Variants in DSCAM observed in about 807,000 individuals in gnomAD.
DSCAM encodes the protein cell adhesion molecule DSCAM.
Under a neutral mutation model 217.7 loss-of-function variants are expected in DSCAM, and 47 were observed. That is an observed-to-expected ratio of 0.22 (90% CI 0.17 to 0.28). The LOEUF is 0.28. Ranked by LOEUF, DSCAM falls within the 10% of genes least tolerant of loss-of-function variation. The pLI is 1.00. For missense variants in DSCAM, 2,080 were observed against 2,618.3 expected (o/e 0.79, Z 4.49); for synonymous variants, 1,056 against 1,015.3 (o/e 1.04, Z -0.76).
At chr21:40,376,483 T>A (rs1212145334) in intron 3 of DSCAM, among the ~76,000 whole-genome samples, 5 of 130,056 alleles carry the variant, frequency 3.8e-5, no homozygotes, top group Non-Finnish European at 6.4e-5. Flanking sequence ...TCTATATATC[T>A]TATATAGATA....
In DSCAM at chr21:40,734,318, G is replaced by A. The variant is rs561092312; in HGVS notation, c.44-25547C>T. On this transcript the variant is annotated intron_variant, in intron 1 of 32. Transcript: ENST00000400454. ...AGGAGGAAGATAAGAAAAGGGGCAC[G>A]CTGCTTCCTCTTCCCAAACCCATCT... 1.5e-4 allele frequency among the ~76,000 whole-genome samples: 23 copies of A among 152,294 alleles called. 1 individual carries two copies. The South Asian group carries it at 4.6e-3, about 30-fold the overall frequency.
At chr21:40,223,435 G>C (rs527992833) in intron 11 of DSCAM, among the ~76,000 whole-genome samples, 4 of 152,152 alleles carry the variant, frequency 2.6e-5, no homozygotes, top group Non-Finnish European at 5.9e-5. Flanking sequence ...TTTTCTTGCA[G>C]CATGACATAT....
intron 7 of DSCAM, 29 bp downstream of exon 7, chr21:40,339,090 T>C (rs1236880316): frequency 1.3e-6 from 2 of 1,590,934 alleles, no homozygotes; most frequent in Admixed American, 1.7e-5. Context: ...GTTATGTGTG[T>C]TTTTTTGAGG....
intron 11 of DSCAM, among the ~76,000 whole-genome samples, chr21:40,218,697 G>A (rs1824477532): frequency 6.6e-6 from 1 of 151,932 alleles, no homozygotes; most frequent in African/African-American, 2.4e-5. Context: ...TTGTTGTAGA[G>A]ATCTTTCACC....
chr21:40,029,832 A>G (rs568943746), intron 32 of DSCAM, among the ~76,000 whole-genome samples: 100 of 151,954 alleles, frequency 6.6e-4, no homozygotes, highest in African/African-American at 2.2e-3. Flanking sequence ...TATCTCCCTC[A>G]CTGCCTGAGG....
intron 3 of DSCAM, among the ~76,000 whole-genome samples, chr21:40,672,330 T>C (rs1483319046): frequency 6.6e-6 from 1 of 152,128 alleles, no homozygotes; most frequent in African/African-American, 2.4e-5. Flanking sequence ...TACTGTGAGA[T>C]GTCGACCATC....
At chr21:40,462,520 A>C (rs1162140787) in intron 3 of DSCAM, among the ~76,000 whole-genome samples, 1 of 152,084 alleles carries the variant, frequency 6.6e-6, no homozygotes, top group Non-Finnish European at 1.5e-5. Flanking sequence ...TCTTTAAAAA[A>C]TTTTCACATC....
chr21:40,560,954 C>CCATA (rs1392517744), intron 3 of DSCAM, among the ~76,000 whole-genome samples: 2 of 152,164 alleles, frequency 1.3e-5, no homozygotes, highest in African/African-American at 4.8e-5. Context: ...TGCTCAAGGA[C>CCATA]CATATGCTTA....
chr21:40,337,901 G>C lies in DSCAM; in HGVS notation c.1783+200C>G, dbSNP rs1011476238. Among the ~76,000 whole-genome samples the C allele has an allele frequency of 7.9e-5, 12 of 152,306 alleles. No homozygotes were observed. The East Asian group carries it at 2.1e-3, about 27-fold the overall frequency. On this transcript the variant is annotated intron_variant, in intron 8 of 32. Coordinates refer to ENST00000400454, the MANE Select transcript of DSCAM (RefSeq NM_001389.5). Reference sequence around the variant, plus strand: ...ACCAAGCCAAAATTCCACCTGGAGAGAAAATCAGATCAACTAAAGTTCCTG... The same window carrying C: ...ACCAAGCCAAAATTCCACCTGGAGACAAAATCAGATCAACTAAAGTTCCTG...
chr21:40,615,808 T>C (rs888373160), intron 3 of DSCAM, among the ~76,000 whole-genome samples: 1 of 152,162 alleles, frequency 6.6e-6, no homozygotes, highest in African/African-American at 2.4e-5. Flanking sequence ...AGTCTTTGCC[T>C]GTGTCCTGGG....
At chr21:40,820,294 G>T (rs1237022574) in intron 1 of DSCAM, among the ~76,000 whole-genome samples, 1 of 152,164 alleles carries the variant, frequency 6.6e-6, no homozygotes, top group Admixed American at 6.5e-5. Context: ...AAAAGAATGA[G>T]ATCATGTCCT....
chr21:40,196,968 T>C (rs1601430895), intron 11 of DSCAM, among the ~76,000 whole-genome samples: 2 of 152,344 alleles, frequency 1.3e-5, no homozygotes, highest in South Asian at 4.1e-4. Flanking sequence ...TTTGCATCTA[T>C]ATTAACAAAG....
At chr21:40,483,211 C>A (rs919940702) in intron 3 of DSCAM, among the ~76,000 whole-genome samples, 2 of 152,224 alleles carry the variant, frequency 1.3e-5, no homozygotes, top group African/African-American at 4.8e-5. Flanking sequence ...CATGATCTTG[C>A]AGGACTTACA....
intron 21 of DSCAM, among the ~76,000 whole-genome samples, chr21:40,087,868 A>G (rs1221977220): frequency 6.6e-6 from 1 of 152,220 alleles, no homozygotes; most frequent in Non-Finnish European, 1.5e-5. Context: ...AAACAGGAGC[A>G]TCTGCCAGGG....
chr21:40,164,652 A>G (rs907196301), intron 16 of DSCAM, among the ~76,000 whole-genome samples: 1 of 151,974 alleles, frequency 6.6e-6, no homozygotes, highest in Admixed American at 6.5e-5. Flanking sequence ...ATACAAAAAA[A>G]GTAGCTGGGT....
intron 9 of DSCAM, among the ~76,000 whole-genome samples, chr21:40,303,613 T>A (rs192307779): frequency 6.6e-6 from 1 of 152,262 alleles, no homozygotes; most frequent in East Asian, 1.9e-4. Context: ...TTTATTTTAA[T>A]CACCATGGTA....
intron 3 of DSCAM, among the ~76,000 whole-genome samples, chr21:40,439,959 C>T (rs2145911385): frequency 6.6e-6 from 1 of 152,348 alleles, no homozygotes; most frequent in Non-Finnish European, 1.5e-5. Context: ...ACCATATCAC[C>T]TTCTGGACCC....
intron 6 of DSCAM, among the ~76,000 whole-genome samples, chr21:40,342,413 G>T (rs145694061): frequency 3.3e-5 from 5 of 151,516 alleles, no homozygotes; most frequent in Middle Eastern, 3.4e-3. Context: ...TCACCTATTC[G>T]CAAATCATGA....
Position 40,029,306 on chromosome 21 carries a change from C to T in DSCAM, c.5686+13065G>A, listed in dbSNP as rs147986355. Reference sequence around the variant, plus strand: ...GTTTCAGACATGCACCCTAACACAGCCTGCCCCACTAGTGGTAGGGAAAGC... The same window carrying T: ...GTTTCAGACATGCACCCTAACACAGTCTGCCCCACTAGTGGTAGGGAAAGC... On this transcript the variant is annotated intron_variant, in intron 32 of 32. Transcript: ENST00000400454. 2.6e-5 allele frequency among the ~76,000 whole-genome samples: 4 copies of T among 152,302 alleles called. No homozygotes were observed. The East Asian group carries it at 7.7e-4, about 29-fold the overall frequency.
Sources: gnomAD v4.1 joint callset for allele counts (sites outside exome capture counted in the v4.1 genomes callset) on GRCh38, gnomAD v4.1.1 for gene constraint, MANE v1.5 for transcripts, NCBI Gene and HGNC (gene_info 2026-07-23, HGNC 2026-07-21) for gene names.